The following SEZ6L variants were observed in gnomAD, a reference collection of about 807,000 sequenced individuals.
SEZ6L encodes the protein seizure 6-like protein.
A neutral mutation model predicts 106.2 loss-of-function variants in SEZ6L; 37 were observed. That is an observed-to-expected ratio of 0.35 (90% CI 0.27 to 0.46). The LOEUF is 0.46. Ranked by LOEUF, SEZ6L falls within the 20% of genes least tolerant of loss-of-function variation. The pLI is 1.00. For synonymous variants in SEZ6L, 541 were observed against 570.4 expected, an observed-to-expected ratio of 0.95 and a Z score of 0.73; for missense variants, 1,172 against 1,332.8, an observed-to-expected ratio of 0.88 and a Z score of 1.88.
chr22:26,249,932 C>A (rs1359012661), intron 1 of SEZ6L, among the ~76,000 whole-genome samples: 1 of 152,118 alleles, frequency 6.6e-6, no homozygotes, highest in African/African-American at 2.4e-5. Flanking sequence ...GGATGTTGAA[C>A]ATTTTTTCAT....
rs1174487936 is a variant in SEZ6L, at chr22:26,169,506, G to A, written c.-164G>A. The A allele has an allele frequency of 2.8e-6, 1 of 359,478 alleles. No homozygotes were observed. The highest frequency in any genetic ancestry group is 4.7e-5 in the Admixed American group (1 of 21,158). The allele number at this position is 359,478 out of a possible 1,614,324, so 22.3% of individuals were successfully genotyped here. ...GCGCAGCTCGGCCAGAGCGACCGCG[G>A]GGCTGAGCGCGCGTCCGCCCAGGGG... On this transcript the variant is annotated 5_prime_UTR_variant, in exon 1 of 17. Coordinates refer to ENST00000248933, the MANE Select transcript of SEZ6L (RefSeq NM_021115.5).
At chr22:26,221,497 T>C (rs2078467418) in intron 1 of SEZ6L, among the ~76,000 whole-genome samples, 1 of 152,054 alleles carries the variant, frequency 6.6e-6, no homozygotes, top group Non-Finnish European at 1.5e-5. Flanking sequence ...GCCCCAAATA[T>C]GAAATAGACA....
chr22:26,349,422 T>G (rs1339596554), intron 11 of SEZ6L, among the ~76,000 whole-genome samples: 1 of 152,236 alleles, frequency 6.6e-6, no homozygotes, highest in Non-Finnish European at 1.5e-5. Flanking sequence ...TGAAAATCTT[T>G]GATGATGTTA....
chr22:26,239,898 T>C (rs890346782), intron 1 of SEZ6L, among the ~76,000 whole-genome samples: 3 of 150,100 alleles, frequency 2.0e-5, no homozygotes, highest in African/African-American at 7.4e-5. Flanking sequence ...CCCTCTGCCA[T>C]CCCCCCACAA....
At chr22:26,170,540 A>G (rs914236418) in intron 1 of SEZ6L, among the ~76,000 whole-genome samples, 4 of 151,906 alleles carry the variant, frequency 2.6e-5, no homozygotes, top group African/African-American at 9.7e-5. Context: ...GAGGGGCCCA[A>G]ATTTAGCAGA....
In SEZ6L at chr22:26,193,774, G is replaced by C. The variant is rs73417517; in HGVS notation, c.94+24011G>C. Among the ~76,000 whole-genome samples the C allele has an allele frequency of 9.0e-3, 1,367 of 152,198 alleles. 30 individuals are homozygous for C. The highest frequency in any genetic ancestry group is 0.03 in the African/African-American group (1,266 of 41,522). On this transcript the variant is annotated intron_variant, in intron 1 of 16. Transcript: ENST00000248933. Reference sequence around the variant, plus strand: ...TCTGCTCAATCGTCTGTTGCTATTGGACCAAATTCTTCCAGGAATAATTAC... The same window carrying C: ...TCTGCTCAATCGTCTGTTGCTATTGCACCAAATTCTTCCAGGAATAATTAC...
chr22:26,202,416 T>C (rs779922525), intron 1 of SEZ6L, among the ~76,000 whole-genome samples: 1 of 152,198 alleles, frequency 6.6e-6, no homozygotes, highest in Non-Finnish European at 1.5e-5. Flanking sequence ...TGGGTCTTCA[T>C]AAATTCATGA....
chr22:26,268,955 C>A (rs1227014971), intron 1 of SEZ6L, among the ~76,000 whole-genome samples: 1 of 152,196 alleles, frequency 6.6e-6, no homozygotes, highest in Non-Finnish European at 1.5e-5. Flanking sequence ...TCTCTCTGAG[C>A]CTCAATTCTT....
intron 13 of SEZ6L, among the ~76,000 whole-genome samples, chr22:26,368,603 T>C (rs558138458): frequency 1.3e-5 from 2 of 152,200 alleles, no homozygotes; most frequent in African/African-American, 4.8e-5. Context: ...GCTTACTGAG[T>C]ATGGGGCTTG....
At chr22:26,236,628 G>T (rs2078965960) in intron 1 of SEZ6L, among the ~76,000 whole-genome samples, 1 of 152,020 alleles carries the variant, frequency 6.6e-6, no homozygotes, top group Admixed American at 6.6e-5. Context: ...GGGTCCCCCT[G>T]ACTCTAATAG....
At chr22:26,253,281 T>A (rs1032982923) in intron 1 of SEZ6L, among the ~76,000 whole-genome samples, 2 of 152,172 alleles carry the variant, frequency 1.3e-5, no homozygotes, top group African/African-American at 4.8e-5. Flanking sequence ...ACCAGCATAG[T>A]CTTGGCTTCA....
chr22:26,368,745 T>TA (rs60719551), intron 13 of SEZ6L, among the ~76,000 whole-genome samples: 16,561 of 148,942 alleles, frequency 0.11, 2,769 homozygotes, highest in African/African-American at 0.36. Context: ...TTTATCTACC[T>TA]AAAAAAAAAA....
At chr22:26,258,570 C>G (rs1218416023) in intron 1 of SEZ6L, among the ~76,000 whole-genome samples, 1 of 152,206 alleles carries the variant, frequency 6.6e-6, no homozygotes, top group Non-Finnish European at 1.5e-5. Context: ...CATTCACCTA[C>G]TACATTTTTT....
chr22:26,275,175 A>G (rs2080503370), intron 1 of SEZ6L, among the ~76,000 whole-genome samples: 1 of 152,214 alleles, frequency 6.6e-6, no homozygotes, highest in African/African-American at 2.4e-5. Context: ...ATGGTCCCCA[A>G]CTTACGATGG....
chr22:26,333,986 A>AAG (rs61539395), intron 9 of SEZ6L, among the ~76,000 whole-genome samples: 69,526 of 151,454 alleles, frequency 0.46, 16,481 homozygotes, highest in East Asian at 0.64. Context: ...AATGGCTTGG[A>AAG]AGAGAGAGAG....
Position 26,181,115 on chromosome 22 carries a change from G to T in SEZ6L, c.94+11352G>T, listed in dbSNP as rs183804391. Among the ~76,000 whole-genome samples the T allele has an allele frequency of 2.0e-5, 3 of 152,352 alleles. No individual in the cohort carries two copies. In the East Asian group the frequency reaches 5.8e-4, roughly 29 times the overall value. The stretch of plus-strand genomic sequence containing the variant: ...GCAGGGTGGATAGAGAGAATGCAAT[G>T]CATGTCACTACTATCCTGCACAACT... On this transcript the variant is annotated intron_variant, in intron 1 of 16. Transcript: ENST00000248933.
chr22:26,301,886 A>G (rs1463222058), intron 5 of SEZ6L, among the ~76,000 whole-genome samples: 4 of 152,224 alleles, frequency 2.6e-5, no homozygotes, highest in Non-Finnish European at 4.4e-5. Context: ...AGGCTGGGGC[A>G]GTGGTCAGAA....
intron 9 of SEZ6L, among the ~76,000 whole-genome samples, chr22:26,336,497 G>A (rs2082649705): frequency 6.6e-6 from 1 of 152,122 alleles, no homozygotes; most frequent in African/African-American, 2.4e-5. Context: ...CTCTGCATCT[G>A]GAGAATCCAA....
At chr22:26,231,401 T>C (rs1288281312) in intron 1 of SEZ6L, among the ~76,000 whole-genome samples, 1 of 152,130 alleles carries the variant, frequency 6.6e-6, no homozygotes, top group Non-Finnish European at 1.5e-5. Flanking sequence ...AGTCCTCAAT[T>C]TGGTTCAGTG....
Sources: allele counts gnomAD v4.1 joint callset (sites outside exome capture counted in the v4.1 genomes callset), GRCh38; gene constraint gnomAD v4.1.1; transcripts MANE v1.5; gene names NCBI Gene and HGNC (gene_info 2026-07-23, HGNC 2026-07-21).